Variants in PAX7 observed in about 807,000 individuals in gnomAD.
The protein encoded by PAX7 is paired box 7.
Under a neutral mutation model 50.7 loss-of-function variants are expected in PAX7, and 18 were observed. The ratio of observed to expected loss-of-function variants is 0.36; its 90% CI spans 0.25 to 0.53. The LOEUF (loss-of-function observed/expected upper bound fraction) is 0.53. Ranked by LOEUF, PAX7 falls within the 20% of genes least tolerant of loss-of-function variation. The pLI is 0.93. For synonymous variants in PAX7, 310 were observed against 290.4 expected (o/e 1.07, Z -0.69); for missense variants, 644 against 702.9 (o/e 0.92, Z 0.95).
At chr1:18,687,523 A>G (rs1296936770) in intron 4 of PAX7, among the ~76,000 whole-genome samples, 2 of 152,194 alleles carry the variant, frequency 1.3e-5, no homozygotes, top group Non-Finnish European at 2.9e-5. Flanking sequence ...ACCTATTTGT[A>G]AAAGAGTCAA....
chr1:18,638,534 G>T (rs1227022582), intron 4 of PAX7, among the ~76,000 whole-genome samples: 1 of 152,206 alleles, frequency 6.6e-6, no homozygotes, highest in Non-Finnish European at 1.5e-5. Context: ...AGAAAGTCCC[G>T]CAGTTTTTGC....
chr1:18,638,660 A>G (rs1043507169), intron 4 of PAX7, among the ~76,000 whole-genome samples: 3 of 152,210 alleles, frequency 2.0e-5, no homozygotes, highest in Admixed American at 1.3e-4. Flanking sequence ...TGTAGGCCAT[A>G]TATCTGTGCA....
intron 4 of PAX7, among the ~76,000 whole-genome samples, chr1:18,645,428 C>T: frequency 6.6e-6 from 1 of 152,218 alleles, no homozygotes; most frequent in East Asian, 1.9e-4. Flanking sequence ...GCTCGGAAAA[C>T]TCCACCCTAA....
At chr1:18,730,378 C>A (rs566291761) in intron 7 of PAX7, among the ~76,000 whole-genome samples, 2 of 151,742 alleles carry the variant, frequency 1.3e-5, no homozygotes, top group South Asian at 4.2e-4. Flanking sequence ...CCTCAGGGTC[C>A]CTCTCAGGCA....
At chr1:18,657,966 G>A (rs937621660) in intron 4 of PAX7, among the ~76,000 whole-genome samples, 6 of 152,114 alleles carry the variant, frequency 3.9e-5, no homozygotes, top group African/African-American at 1.2e-4. Flanking sequence ...TATATATACT[G>A]GGCCCTTTTG....
chr1:18,728,878 A>C (rs1165037333), intron 7 of PAX7, among the ~76,000 whole-genome samples: 2 of 151,438 alleles, frequency 1.3e-5, no homozygotes, highest in African/African-American at 2.4e-5. Flanking sequence ...AAAAAAAAAC[A>C]AAAAACTCCT....
At chr1:18,685,222 C>T (rs991321870) in intron 4 of PAX7, among the ~76,000 whole-genome samples, 3 of 152,182 alleles carry the variant, frequency 2.0e-5, no homozygotes, top group African/African-American at 7.2e-5. Flanking sequence ...CCTGCCTTCC[C>T]CTCCCTTTAT....
rs550351519 is a variant in PAX7 at position 18,652,250 on chromosome 1, G to GC, written c.586+15886dup. 2.4e-4 allele frequency among the ~76,000 whole-genome samples: 34 copies of GC among 142,568 alleles called. 1 individual carries two copies. The South Asian group carries it at 2.5e-3, about 10-fold the overall frequency. 93.5% of individuals were successfully genotyped at this position (142,568 alleles called of 152,430 possible). On this transcript the variant is annotated intron_variant, in intron 4 of 8. Coordinates refer to ENST00000420770, the MANE Select transcript of PAX7 (RefSeq NM_001135254.2). ...CTCAACTGGCCCCCTTCTCTTCCCC[G>GC]CCCCCCCATTGCCCCAGGAAGGTAG...
In PAX7 at chr1:18,744,887, T is replaced by C; in HGVS notation, c.1476T>C (p.Ala492=). The C allele has an allele frequency of 6.4e-7, 1 of 1,556,252 alleles. No homozygotes were observed. The highest frequency in any genetic ancestry group is 1.9e-5 in the Admixed American group (1 of 51,684). The change falls in exon 9 of 9, where the codon GCT becomes GCC. Residue 492 remains alanine (A), a synonymous_variant. Transcript: ENST00000420770. The part of the protein sequence containing the change: ...QRRMKLGEHS[A]VLGLLPVETG... ...GCATGAAGCTCGGGGAGCACTCTGC[T>C]GTGCTGGGACTCCTGCCTGTGGAAA...
intron 3 of PAX7, 37 bp downstream of exon 3, chr1:18,635,277 G>C (rs758972552): frequency 5.0e-6 from 8 of 1,610,690 alleles, no homozygotes; most frequent in South Asian, 4.4e-5. Flanking sequence ...CTGGCCCAGA[G>C]TGTGGCCAGG....
chr1:18,705,337 C>T (rs967612464), intron 7 of PAX7, among the ~76,000 whole-genome samples: 1 of 152,152 alleles, frequency 6.6e-6, no homozygotes, highest in Non-Finnish European at 1.5e-5. Flanking sequence ...CTGCCGAGAT[C>T]CAAGCTTTCC....
intron 8 of PAX7, among the ~76,000 whole-genome samples, chr1:18,739,377 T>A (rs1454651298): frequency 6.6e-6 from 1 of 151,944 alleles, no homozygotes; most frequent in African/African-American, 2.4e-5. Context: ...GAGAGAGGGG[T>A]TTATATGTGA....
intron 4 of PAX7, among the ~76,000 whole-genome samples, chr1:18,642,615 T>A (rs2088273220): frequency 1.3e-5 from 2 of 152,166 alleles, no homozygotes; most frequent in African/African-American, 4.8e-5. Flanking sequence ...CAGTTTTTGC[T>A]GTCCGGGGCC....
intron 5 of PAX7, among the ~76,000 whole-genome samples, chr1:18,692,757 G>A (rs1280862544): frequency 2.0e-5 from 3 of 152,240 alleles, no homozygotes; most frequent in Non-Finnish European, 4.4e-5. Flanking sequence ...TGGCAGGTTA[G>A]ATGCCTCAGG....
chr1:18,718,794 C>T (rs1430696016), intron 7 of PAX7, among the ~76,000 whole-genome samples: 1 of 152,056 alleles, frequency 6.6e-6, no homozygotes, highest in Non-Finnish European at 1.5e-5. Context: ...AGGCATGCAC[C>T]ACCACGCTGG....
intron 8 of PAX7, among the ~76,000 whole-genome samples, chr1:18,738,040 G>A (rs1461778534): frequency 5.9e-5 from 9 of 152,164 alleles, no homozygotes; most frequent in Admixed American, 5.9e-4. Flanking sequence ...AAATAGGGGT[G>A]AGTGTATGAG....
intron 7 of PAX7, among the ~76,000 whole-genome samples, chr1:18,730,821 C>T (rs975943960): frequency 1.3e-5 from 2 of 151,006 alleles, no homozygotes; most frequent in South Asian, 2.1e-4. Flanking sequence ...CCCCAGCAGA[C>T]GGAAGGGAGG....
At chr1:18,687,861 T>A (rs1397721764) in intron 4 of PAX7, among the ~76,000 whole-genome samples, 1 of 152,006 alleles carries the variant, frequency 6.6e-6, no homozygotes, top group Non-Finnish European at 1.5e-5. Context: ...TCTCTCTGGA[T>A]CCACGGAGTT....
chr1:18,670,237 T>C (rs2088724138), intron 4 of PAX7, among the ~76,000 whole-genome samples: 1 of 152,176 alleles, frequency 6.6e-6, no homozygotes, highest in South Asian at 2.1e-4. Context: ...AAGGCTAAAA[T>C]GAAACAGTAA....
Sources: allele counts gnomAD v4.1 joint callset (sites outside exome capture counted in the v4.1 genomes callset), GRCh38; gene constraint gnomAD v4.1.1; transcripts MANE v1.5; gene names NCBI Gene and HGNC (gene_info 2026-07-23, HGNC 2026-07-21).